Variants in SETMAR observed in about 807,000 individuals in gnomAD.
The protein encoded by SETMAR is histone-lysine N-methyltransferase SETMAR.
A neutral mutation model predicts 58.4 loss-of-function variants in SETMAR; 44 were observed. The observed-to-expected ratio is 0.75, with a 90% CI of 0.59 to 0.97. SETMAR has a LOEUF of 0.97. Ranked by LOEUF, SETMAR falls within the 50% of genes least tolerant of loss-of-function variation. SETMAR has a pLI of 0.00. For missense variants in SETMAR, 903 were observed against 840.2 expected (o/e 1.07, Z -0.92); for synonymous variants, 332 against 307.4 (o/e 1.08, Z -0.84).
Position 4,316,661 on chromosome 3 carries a change from T to C in SETMAR, c.1470T>C (p.Asp490=), listed in dbSNP as rs777663660. ...GCAACCACAACGAACCATTTCTCGA[T>C]CGGATTGTGACGTGTGATGAAAAGT... ...ILRNHNEPFL[D]RIVTCDEKWI... is the part of the protein sequence containing the mutation. Residue 490 remains aspartate (D), a synonymous_variant, in exon 3 of 3, where the codon GAT becomes GAC. Coordinates refer to ENST00000358065, the MANE Select transcript of SETMAR (RefSeq NM_006515.4). The C allele has an allele frequency of 9.7e-6, 15 of 1,551,106 alleles. No individual in the cohort carries two copies. Among genetic ancestry groups the C allele is most frequent in the African/African-American group, 5.5e-5 (4 of 73,000 alleles).
Position 4,316,641 on chromosome 3 carries a change from C to T in SETMAR, c.1450C>T (p.His484Tyr). Residue 484 changes from histidine to tyrosine, a missense_variant, in exon 3 of 3, where the codon CAC (histidine) becomes TAC (tyrosine). Transcript: ENST00000358065. ...EVSSSLILRNHNEPFLDRIVT... is the reference protein window; with the variant it reads ...EVSSSLILRNYNEPFLDRIVT... Reference sequence around the variant, plus strand: ...GTCATCTTCTCTTATTCTACGCAACCACAACGAACCATTTCTCGATCGGAT... The same window carrying T: ...GTCATCTTCTCTTATTCTACGCAACTACAACGAACCATTTCTCGATCGGAT... 1 of 1,551,188 alleles carries T rather than the reference C, an allele frequency of 6.4e-7. No individual in the cohort carries two copies. Among genetic ancestry groups the T allele is most frequent in the Non-Finnish European group, 8.7e-7 (1 of 1,146,726 alleles).
At chr3:4,314,000 G>C in intron 2 of SETMAR, 2 of 669,632 alleles carry the variant, frequency 3.0e-6, no homozygotes, top group Non-Finnish European at 2.4e-6. Flanking sequence ...CTAGTTAATA[G>C]GATATAAGCA....
intron 1 of SETMAR, 144 bp from the exon 2 acceptor site, chr3:4,312,754 A>G: frequency 1.1e-6 from 1 of 916,646 alleles, no homozygotes; most frequent in Non-Finnish European, 1.6e-6. Flanking sequence ...TTTTTGGACA[A>G]TATCTTAGTA....
rs1165169981 is a variant in SETMAR at position 4,316,907 on chromosome 3, C to T, written c.1716C>T (p.Arg572=). The change falls in exon 3 of 3, where the codon CGC becomes CGT. Residue 572 remains arginine, a synonymous_variant. Transcript: ENST00000358065. ...ATGAGATGAACCAAAAACTGCAACG[C>T]CTGCAGCTGGCATTGGTCAACAGAA... is the stretch of plus-strand genomic sequence containing the variant. ...EIDEMNQKLQ[R]LQLALVNRKG... The T allele has an allele frequency of 1.3e-6, 2 of 1,549,302 alleles. No homozygotes were observed. Among genetic ancestry groups the T allele is most frequent in the Non-Finnish European group, 1.7e-6 (2 of 1,146,762 alleles).
rs187158177 is a variant in SETMAR, at chr3:4,312,765, T to C, written c.157-133T>C. 9.5e-4 allele frequency: 940 copies of C among 994,366 alleles called. 6 individuals are homozygous for C. The highest frequency in any genetic ancestry group is 4.2e-3 in the Middle Eastern group (15 of 3,586). The allele number at this position is 994,366 out of a possible 1,614,324, so 61.6% of individuals were successfully genotyped here. On this transcript the variant is annotated intron_variant, in intron 1 of 2. Transcript: ENST00000358065. ...GATGTTTTTGGACAATATCTTAGTA[T>C]GCTGTGTTTTGACAGTTTTGTCCTG...
chr3:4,310,608 G>A (rs1316949982), intron 1 of SETMAR, among the ~76,000 whole-genome samples: 1 of 152,060 alleles, frequency 6.6e-6, no homozygotes, highest in Non-Finnish European at 1.5e-5. Context: ...AGTCCCTGAA[G>A]GATTATAGCT....
In SETMAR at chr3:4,313,247, C is replaced by G. The variant is rs760510857; in HGVS notation, c.506C>G (p.Ala169Gly). ...IPKGRFVCEYAGEVLGFSEVQ... is the reference protein window; with the variant it reads ...IPKGRFVCEYGGEVLGFSEVQ... ...AAAGGAAGGTTTGTCTGTGAATATG[C>G]TGGTGAGGTTTTAGGATTCTCTGAA... The change falls in exon 2 of 3, where the codon GCT becomes GGT. Residue 169 changes from alanine to glycine, a missense_variant. By Grantham distance (60) the Ala-to-Gly change is moderately conservative. Coordinates refer to ENST00000358065, the MANE Select transcript of SETMAR (RefSeq NM_006515.4). The G allele has an allele frequency of 1.9e-6, 3 of 1,613,878 alleles. No individual in the cohort carries two copies. Among genetic ancestry groups the G allele is most frequent in the South Asian group, 2.2e-5 (2 of 91,072 alleles).
chr3:4,317,256 G>GT lies in SETMAR; in HGVS notation c.*12dup. ...TTCCTATTTTGATTAATAAAAATGC[G>GT]TTGAGCCTAGTTATAATGATTTAAA... On this transcript the variant is annotated 3_prime_UTR_variant, in exon 3 of 3. Coordinates refer to ENST00000358065, the MANE Select transcript of SETMAR (RefSeq NM_006515.4). 1 of 1,506,020 alleles carries GT rather than the reference G, an allele frequency of 6.6e-7. No homozygotes were observed. 93.3% of individuals were successfully genotyped at this position (1,506,020 alleles called of 1,614,324 possible).
At chr3:4,308,032 A>C (rs73806994) in intron 1 of SETMAR, among the ~76,000 whole-genome samples, 1,915 of 152,266 alleles carry the variant, frequency 0.013, 47 homozygotes, top group African/African-American at 0.044. Context: ...GTCTTAAAAA[A>C]AAAAAATCCC....
At chr3:4,303,940 C>T (rs1698067622) in intron 1 of SETMAR, 2 of 1,104,766 alleles carry the variant, frequency 1.8e-6, no homozygotes. Flanking sequence ...CTCGAGTCAG[C>T]CTTAGCTGTG....
intron 1 of SETMAR, among the ~76,000 whole-genome samples, chr3:4,305,590 C>T (rs1698160160): frequency 6.6e-6 from 1 of 152,178 alleles, no homozygotes; most frequent in Admixed American, 6.5e-5. Context: ...CCCTCCAGGG[C>T]AATTTCAAGA....
At chr3:4,303,819 G>A in intron 1 of SETMAR, 1 of 1,373,426 alleles carries the variant, frequency 7.3e-7, no homozygotes, top group Non-Finnish European at 9.7e-7. Context: ...ACTCAAGGAG[G>A]CATCACGGGG....
chr3:4,312,794 T>G (rs1698462182), intron 1 of SETMAR, 104 bp from the exon 2 acceptor site: 1 of 1,358,784 alleles, frequency 7.4e-7, no homozygotes, highest in Non-Finnish European at 1.0e-6. Context: ...TGTCCTGTTT[T>G]TATATATGTT....
chr3:4,315,325 A>G (rs939731286), intron 2 of SETMAR, among the ~76,000 whole-genome samples: 1 of 152,242 alleles, frequency 6.6e-6, no homozygotes, highest in Non-Finnish European at 1.5e-5. Flanking sequence ...GTTAGAAGGA[A>G]AATGATTGGC....
chr3:4,313,628 C>T lies in SETMAR; in HGVS notation c.887C>T (p.Ala296Val), dbSNP rs1345718910. ...PCYCGAKSCT[A>V]FLPFDSSLYC... ...TACTGTGGTGCCAAATCATGTACTG[C>T]TTTCCTGCCTTTTGACAGTTCTCTG... The change falls in exon 2 of 3, where the codon GCT becomes GTT. Residue 296 changes from alanine to valine, a missense_variant. By Grantham distance (64) the Ala-to-Val change is moderately conservative (BLOSUM62 0). Coordinates refer to ENST00000358065, the MANE Select transcript of SETMAR (RefSeq NM_006515.4). The T allele has an allele frequency of 8.7e-6, 14 of 1,614,048 alleles. No homozygotes were observed. Among genetic ancestry groups the T allele is most frequent in the Middle Eastern group, 1.6e-4 (1 of 6,062 alleles).
At chr3:4,310,715 T>A (rs986379917) in intron 1 of SETMAR, among the ~76,000 whole-genome samples, 2 of 152,146 alleles carry the variant, frequency 1.3e-5, no homozygotes, top group African/African-American at 4.8e-5. Flanking sequence ...AATAAAACTG[T>A]TTTTCACCTG....
chr3:4,311,676 T>A (rs1249765489), intron 1 of SETMAR, among the ~76,000 whole-genome samples: 1 of 152,218 alleles, frequency 6.6e-6, no homozygotes, highest in African/African-American at 2.4e-5. Flanking sequence ...GAGCCAAATA[T>A]CCAGTCTACT....
Position 4,316,130 on chromosome 3 carries a change from T to C in SETMAR, c.1021-82T>C, listed in dbSNP as rs114919789. 4.0e-3 allele frequency: 2,306 copies of C among 572,212 alleles called. 30 individuals are homozygous for C. Among genetic ancestry groups the C allele is most frequent in the African/African-American group, 0.036 (1,951 of 53,568 alleles). 35.4% of individuals were successfully genotyped at this position (572,212 alleles called of 1,614,324 possible). On this transcript the variant is annotated intron_variant, in intron 2 of 2. Transcript: ENST00000358065. ...TATTGGAATACATTCTTAAATGTGG[T>C]CATGTTATACACCATTTTAATGAGC...
At chr3:4,310,809 A>G (rs1159841570) in intron 1 of SETMAR, among the ~76,000 whole-genome samples, 1 of 152,238 alleles carries the variant, frequency 6.6e-6, no homozygotes, top group African/African-American at 2.4e-5. Flanking sequence ...TGATTTATAT[A>G]GTACCTTAAA....
Sources: allele counts gnomAD v4.1 joint callset (sites outside exome capture counted in the v4.1 genomes callset), GRCh38; gene constraint gnomAD v4.1.1; transcripts MANE v1.5; gene names NCBI Gene and HGNC (gene_info 2026-07-23, HGNC 2026-07-21).